The following CNBP variants were observed in gnomAD, a reference collection of about 807,000 sequenced individuals.
CNBP encodes the protein CCHC-type zinc finger nucleic acid binding protein.
A neutral mutation model predicts 21.2 loss-of-function variants in CNBP; 6 were observed. The ratio of observed to expected loss-of-function variants is 0.28; its 90% CI spans 0.16 to 0.56. The LOEUF (loss-of-function observed/expected upper bound fraction) is 0.56, where lower values mean the gene tolerates loss of function less well. CNBP is among the 20% of genes least tolerant of loss of function. CNBP has a pLI of 0.93. For missense variants in CNBP, 112 were observed against 233.1 expected, an observed-to-expected ratio of 0.48 and a Z score of 3.38; for synonymous variants, 61 against 74.9, an observed-to-expected ratio of 0.81 and a Z score of 0.96.
Position 129,171,401 on chromosome 3 carries a change from C to G in CNBP, c.217+45G>C, listed in dbSNP as rs143390167. 14,122 of 1,596,594 alleles carry G rather than the reference C, an allele frequency of 8.8e-3. 80 individuals carry two copies. The highest frequency in any genetic ancestry group is 0.011 in the Non-Finnish European group (12,618 of 1,163,952). On this transcript the variant is annotated intron_variant, in intron 3 of 4. Coordinates refer to ENST00000422453, the MANE Select transcript of CNBP (RefSeq NM_003418.5). The stretch of plus-strand genomic sequence containing the variant: ...TATACACAGTTGCATGTGCTCACCT[C>G]TCCAAGCTCTAGAGGGGTATGAAAA...
rs1427762382 is a variant in CNBP at position 129,178,628 on chromosome 3, G to A, written c.-15+5148C>T. On this transcript the variant is annotated intron_variant, in intron 1 of 4. Transcript: ENST00000422453. ...GGGTTATCCCTGACTCATTCATGTT[G>A]TTCACTTAACTGCATTTAGACCATA... 2.6e-5 allele frequency among the ~76,000 whole-genome samples: 4 copies of A among 152,062 alleles called. No homozygotes were observed. In the East Asian group the frequency reaches 7.7e-4, roughly 29 times the overall value.
intron 1 of CNBP, among the ~76,000 whole-genome samples, chr3:129,172,500 T>C (rs992871597): frequency 6.6e-6 from 1 of 152,124 alleles, no homozygotes; most frequent in Non-Finnish European, 1.5e-5. Flanking sequence ...AAGAATCGCT[T>C]GAACCCGGGG....
Position 129,172,652 on chromosome 3 carries a change from GCAGGCAGACAGA to G in CNBP, c.-14-893_-14-882del, listed in dbSNP as rs1291801203. Among the ~76,000 whole-genome samples the G allele has an allele frequency of 1.7e-3, 182 of 109,198 alleles. 2 individuals carry two copies. Among genetic ancestry groups the G allele is most frequent in the African/African-American group, 5.6e-3 (165 of 29,284 alleles). 71.6% of individuals were successfully genotyped at this position (109,198 alleles called of 152,430 possible). On this transcript the variant is annotated intron_variant, in intron 1 of 4. Transcript: ENST00000422453. ...GGCAGGCAGGCAGGCAGGCAGGCAG[GCAGGCAGACAGA>G]CAGACAGACAGACAGACAGACAGAC... is the stretch of plus-strand genomic sequence containing the variant.
intron 1 of CNBP, among the ~76,000 whole-genome samples, chr3:129,174,349 T>TA (rs56752888): frequency 0.63 from 39,810 of 62,908 alleles, 13,386 homozygotes; most frequent in South Asian, 0.69. Context: ...GAGTCAGAAT[T>TA]AAAAAAAAAA....
intron 1 of CNBP, among the ~76,000 whole-genome samples, chr3:129,174,436 A>G (rs1046445139): frequency 3.4e-5 from 5 of 147,088 alleles, no homozygotes; most frequent in Non-Finnish European, 7.5e-5. Flanking sequence ...GAGGCCGACG[A>G]GGATGGTTCA....
chr3:129,176,306 A>G (rs1396268579), intron 1 of CNBP, among the ~76,000 whole-genome samples: 1 of 152,054 alleles, frequency 6.6e-6, no homozygotes, highest in Non-Finnish European at 1.5e-5. Context: ...TCAAATGCCA[A>G]CTCTATAAAA....
intron 1 of CNBP, among the ~76,000 whole-genome samples, chr3:129,176,371 A>C (rs1937908016): frequency 6.6e-6 from 1 of 152,242 alleles, no homozygotes; most frequent in East Asian, 1.9e-4. Context: ...GTCCCAAGAC[A>C]CTTTGTTAAT....
chr3:129,171,694 CAGT>C lies in CNBP; in HGVS notation c.61_63del (p.Thr21del). 6.2e-7 allele frequency: 1 copy of C among 1,614,160 alleles called. No homozygotes were observed. The highest frequency in any genetic ancestry group is 8.5e-7 in the Non-Finnish European group (1 of 1,180,034). Reference sequence around the variant, plus strand: ...CTCATTCCACGACCACGGCCTCCACCAGTAGGACATTCCCGGGCCCAGTGGCCA... The same window carrying C: ...CTCATTCCACGACCACGGCCTCCACCAGGACATTCCCGGGCCCAGTGGCCA... On this transcript the variant is annotated inframe_deletion, in exon 2 of 5. Coordinates refer to ENST00000422453, the MANE Select transcript of CNBP (RefSeq NM_003418.5).
chr3:129,174,659 CAAAAA>C (rs11322688), intron 1 of CNBP, among the ~76,000 whole-genome samples: 1 of 105,144 alleles, frequency 9.5e-6, no homozygotes, highest in Non-Finnish European at 2.0e-5. Flanking sequence ...AACTCCATCT[CAAAAA>C]AAAAAAAAAA....
intron 1 of CNBP, among the ~76,000 whole-genome samples, chr3:129,183,097 C>T (rs1309257414): frequency 6.6e-6 from 1 of 152,102 alleles, no homozygotes; most frequent in Non-Finnish European, 1.5e-5. Context: ...ACTACATGCG[C>T]CCGCCACCAT....
intron 1 of CNBP, among the ~76,000 whole-genome samples, chr3:129,177,046 T>C (rs1018534691): frequency 6.6e-6 from 1 of 152,186 alleles, no homozygotes; most frequent in African/African-American, 2.4e-5. Flanking sequence ...AACCTCTAAT[T>C]TGTCATCCAG....
At chr3:129,183,152 A>T (rs180745852) in intron 1 of CNBP, among the ~76,000 whole-genome samples, 196 of 151,860 alleles carry the variant, frequency 1.3e-3, no homozygotes, top group Non-Finnish European at 2.3e-3. Context: ...CTTTCACCAT[A>T]TTGGTCAGGC....
chr3:129,175,034 T>C (rs1015298697), intron 1 of CNBP, among the ~76,000 whole-genome samples: 2 of 151,868 alleles, frequency 1.3e-5, no homozygotes, highest in Admixed American at 1.3e-4. Flanking sequence ...CCATCTCTAC[T>C]AAAAACACAA....
chr3:129,178,369 A>G (rs1296747499), intron 1 of CNBP, among the ~76,000 whole-genome samples: 2 of 152,188 alleles, frequency 1.3e-5, no homozygotes, highest in African/African-American at 4.8e-5. Flanking sequence ...ATAGTAAACT[A>G]CTAAAATCTA....
chr3:129,178,681 T>C (rs1413544245), intron 1 of CNBP, among the ~76,000 whole-genome samples: 1 of 152,172 alleles, frequency 6.6e-6, no homozygotes, highest in African/African-American at 2.4e-5. Context: ...TGAATGTATG[T>C]AAGTATGCAC....
In CNBP at chr3:129,168,131, T is replaced by G. The variant is rs1029002355; in HGVS notation, c.*2322A>C. ...GCATGGAGGGGGAAAATGAACTATA[T>G]GATGCTAACCGCATTTAATTTCGAA... is the stretch of plus-strand genomic sequence containing the variant. On this transcript the variant is annotated 3_prime_UTR_variant, in exon 5 of 5. Transcript: ENST00000422453. Among the ~76,000 whole-genome samples, 4 of 152,136 alleles carry G rather than the reference T, an allele frequency of 2.6e-5. No homozygotes were observed. Among genetic ancestry groups the G allele is most frequent in the African/African-American group, 4.8e-5 (2 of 41,440 alleles).
At chr3:129,171,045 T>C (rs1937558772) in intron 4 of CNBP, 34 bp downstream of exon 4, 2 of 1,579,602 alleles carry the variant, frequency 1.3e-6, no homozygotes. Flanking sequence ...ATCTCTGCAA[T>C]GAGTTTTCTT....
In CNBP at chr3:129,171,745, C is replaced by G; in HGVS notation, c.13G>C (p.Glu5Gln). The change falls in exon 2 of 5, where the codon GAG (glutamate) becomes CAG (glutamine). Residue 5 changes from glutamate (E) to glutamine (Q), a missense_variant. Glu to Gln is a conservative substitution (Grantham distance 29, BLOSUM62 2). Coordinates refer to ENST00000422453, the MANE Select transcript of CNBP (RefSeq NM_003418.5). MSSNECFKCGRSGHW... is the reference protein window; with the variant it reads MSSNQCFKCGRSGHW... ...CCAGATCGTCCACACTTGAAGCACT[C>G]ATTGCTGCTCATGGCTGCAGTCAGA... 1 of 1,614,024 alleles carries G rather than the reference C, an allele frequency of 6.2e-7. No individual in the cohort carries two copies. Among genetic ancestry groups the G allele is most frequent in the Non-Finnish European group, 8.5e-7 (1 of 1,180,014 alleles).
At chr3:129,172,695 G>C (rs12631543) in intron 1 of CNBP, among the ~76,000 whole-genome samples, 45,478 of 76,152 alleles carry the variant, frequency 0.6, 13,460 homozygotes, top group South Asian at 0.66. Flanking sequence ...CAGACAGACA[G>C]ACACACACAC....
Sources: gnomAD v4.1 joint callset for allele counts (sites outside exome capture counted in the v4.1 genomes callset) on GRCh38, gnomAD v4.1.1 for gene constraint, MANE v1.5 for transcripts, NCBI Gene and HGNC (gene_info 2026-07-23, HGNC 2026-07-21) for gene names.